The following DCAF8 variants were observed in gnomAD, a reference collection of about 807,000 sequenced individuals.
DCAF8 encodes DDB1 and CUL4 associated factor 8.
A neutral mutation model predicts 68.0 loss-of-function variants in DCAF8; 20 were observed. The observed-to-expected ratio is 0.29, with a 90% CI of 0.21 to 0.43. The LOEUF (loss-of-function observed/expected upper bound fraction) is 0.43, where lower values mean the gene tolerates loss of function less well. Ranked by LOEUF, DCAF8 falls within the 20% of genes least tolerant of loss-of-function variation. The pLI is 1.00. For missense variants in DCAF8, 460 were observed against 771.0 expected (o/e 0.60, Z 4.78); for synonymous variants, 230 against 276.9 (o/e 0.83, Z 1.68).
intron 2 of DCAF8, among the ~76,000 whole-genome samples, chr1:160,256,832 T>C (rs1010073834): frequency 1.3e-5 from 2 of 152,214 alleles, no homozygotes; most frequent in African/African-American, 2.4e-5. Context: ...TCATAACACA[T>C]TCCTGGGGTT....
intron 7 of DCAF8, among the ~76,000 whole-genome samples, chr1:160,230,827 T>C (rs930239820): frequency 2.1e-4 from 32 of 152,222 alleles, no homozygotes; most frequent in African/African-American, 5.3e-4. Flanking sequence ...TCTTGGCTCA[T>C]TGCAACCTCT....
At chr1:160,250,160 G>A (rs191485674) in intron 2 of DCAF8, among the ~76,000 whole-genome samples, 46 of 152,214 alleles carry the variant, frequency 3.0e-4, no homozygotes, top group African/African-American at 9.9e-4. Context: ...CTTAATAAAC[G>A]TGGCCTAAAA....
In DCAF8 at chr1:160,260,275, A is replaced by G. The variant is rs532030416; in HGVS notation, c.-27+1010T>C. On this transcript the variant is annotated intron_variant, in intron 2 of 13. Transcript: ENST00000368074. ...GTAACTTGCTCAAGGTCACATGGCT[A>G]AGAAATATTAGTCTAGTATTTAAAC... 8.5e-5 allele frequency among the ~76,000 whole-genome samples: 13 copies of G among 152,334 alleles called. 1 individual carries two copies. The South Asian group carries it at 2.5e-3, about 29-fold the overall frequency.
intron 2 of DCAF8, among the ~76,000 whole-genome samples, chr1:160,247,354 T>G (rs1656383792): frequency 6.6e-6 from 1 of 152,246 alleles, no homozygotes; most frequent in South Asian, 2.1e-4. Context: ...ATTTTTCTTG[T>G]CTTAATAAGA....
intron 2 of DCAF8, among the ~76,000 whole-genome samples, chr1:160,255,180 C>T (rs1656779870): frequency 6.6e-6 from 1 of 152,188 alleles, no homozygotes; most frequent in African/African-American, 2.4e-5. Flanking sequence ...TCAGAGAGCT[C>T]CGTTAATATC....
chr1:160,226,207 A>G (rs534056791), intron 7 of DCAF8, among the ~76,000 whole-genome samples: 1 of 152,170 alleles, frequency 6.6e-6, no homozygotes, highest in Non-Finnish European at 1.5e-5. Flanking sequence ...AGCTTTTTAC[A>G]TGTACATTAC....
chr1:160,218,531 C>T, intron 12 of DCAF8, 91 bp from the exon 13 acceptor site: 2 of 1,021,418 alleles, frequency 2.0e-6, no homozygotes, highest in African/African-American at 1.6e-5. Flanking sequence ...CCAATAAAAG[C>T]TTCCCTTAAG....
At chr1:160,247,796 A>G (rs1474118910) in intron 2 of DCAF8, among the ~76,000 whole-genome samples, 1 of 152,196 alleles carries the variant, frequency 6.6e-6, no homozygotes, top group African/African-American at 2.4e-5. Context: ...TCAACTGCCA[A>G]AAGAAAAAAA....
intron 7 of DCAF8, 86 bp from the exon 8 acceptor site, chr1:160,225,749 C>CCACTA: frequency 2.9e-6 from 3 of 1,047,884 alleles, no homozygotes; most frequent in Non-Finnish European, 4.3e-6. Flanking sequence ...CAGGAAACTG[C>CCACTA]CAGCTGGATG....
intron 5 of DCAF8, among the ~76,000 whole-genome samples, chr1:160,237,620 G>A (rs1050800156): frequency 6.6e-6 from 1 of 152,098 alleles, no homozygotes; most frequent in African/African-American, 2.4e-5. Flanking sequence ...TCAACCTTGT[G>A]GGCTTAAGTG....
chr1:160,230,126 T>G (rs1174956454), intron 7 of DCAF8, among the ~76,000 whole-genome samples: 1 of 152,182 alleles, frequency 6.6e-6, no homozygotes, highest in Non-Finnish European at 1.5e-5. Context: ...CAAGGTTTTG[T>G]CCAGGATTCT....
intron 2 of DCAF8, among the ~76,000 whole-genome samples, chr1:160,249,926 AC>A (rs1656508180): frequency 1.3e-5 from 2 of 152,214 alleles, no homozygotes; most frequent in Non-Finnish European, 2.9e-5. Context: ...CACTTATAGT[AC>A]TTTCTGGAAA....
In DCAF8 at chr1:160,218,417, C is replaced by T. The variant is rs1655193924; in HGVS notation, c.1584G>A (p.Glu528=). The T allele has an allele frequency of 6.2e-7, 1 of 1,614,172 alleles. No individual in the cohort carries two copies. ...LKDVIKKNKR[E]RDEDSLHQTD... is the part of the protein sequence containing the mutation. ...TTTGGTGCAAGCTATCTTCATCCCG[C>T]TCCCGCTTGTTCTTCTTAATCACCT... The change falls in exon 13 of 14, where the codon GAG becomes GAA. Residue 528 remains glutamate, a synonymous_variant. Coordinates refer to ENST00000368074, the MANE Select transcript of DCAF8 (RefSeq NM_015726.4).
At position 160,260,355 on chromosome 1, in the gene DCAF8, A is replaced by G. The variant is rs545846865; in HGVS notation, c.-27+930T>C. Among the ~76,000 whole-genome samples the G allele has an allele frequency of 3.9e-5, 6 of 152,344 alleles. No individual in the cohort carries two copies. The South Asian group carries it at 1.2e-3, about 32-fold the overall frequency. ...CTCTAAAGACTGTACTTTTCTCTTTATATCTTACTGATACACATATACACC... is the reference window on the plus strand; with the variant it reads ...CTCTAAAGACTGTACTTTTCTCTTTGTATCTTACTGATACACATATACACC... On this transcript the variant is annotated intron_variant, in intron 2 of 13. Coordinates refer to ENST00000368074, the MANE Select transcript of DCAF8 (RefSeq NM_015726.4).
intron 2 of DCAF8, among the ~76,000 whole-genome samples, chr1:160,244,530 C>T (rs1240209495): frequency 6.6e-6 from 1 of 152,148 alleles, no homozygotes; most frequent in African/African-American, 2.4e-5. Flanking sequence ...TCATTTTACA[C>T]ACAAATCAAC....
chr1:160,226,137 C>T (rs1655464262), intron 7 of DCAF8, among the ~76,000 whole-genome samples: 2 of 152,138 alleles, frequency 1.3e-5, no homozygotes, highest in Non-Finnish European at 2.9e-5. Context: ...GTTTATCTCT[C>T]TCCTCAAGTT....
intron 2 of DCAF8, among the ~76,000 whole-genome samples, chr1:160,253,861 G>A (rs1656712452): frequency 6.6e-6 from 1 of 151,658 alleles, no homozygotes; most frequent in Non-Finnish European, 1.5e-5. Flanking sequence ...AGGTAAGGAG[G>A]ATAGTCCATG....
At position 160,217,513 on chromosome 1, in the gene DCAF8, G is replaced by T; in HGVS notation, c.*79C>A. 1 of 1,048,364 alleles carries T rather than the reference G, an allele frequency of 9.5e-7. No homozygotes were observed. The highest frequency in any genetic ancestry group is 1.4e-6 in the Non-Finnish European group (1 of 704,838). 64.9% of individuals were successfully genotyped at this position (1,048,364 alleles called of 1,614,324 possible). A position where few individuals can be genotyped will look rare whatever the true frequency, so the allele number is the denominator to read the frequency against. On this transcript the variant is annotated 3_prime_UTR_variant, in exon 14 of 14. Coordinates refer to ENST00000368074, the MANE Select transcript of DCAF8 (RefSeq NM_015726.4). ...AGTCCAAAGTGCGTTTCTGCTGAATGTAGGGCCTGGGACAGGAAAGGGTTG... is the reference window on the plus strand; with the variant it reads ...AGTCCAAAGTGCGTTTCTGCTGAATTTAGGGCCTGGGACAGGAAAGGGTTG...
chr1:160,240,460 A>C (rs1336143639), intron 3 of DCAF8, 90 bp from the exon 4 acceptor site: 1 of 1,299,364 alleles, frequency 7.7e-7, no homozygotes, highest in East Asian at 2.3e-5. Flanking sequence ...TCACATCAAA[A>C]GACCAAAAAA....
Sources: allele counts gnomAD v4.1 joint callset (sites outside exome capture counted in the v4.1 genomes callset), GRCh38; gene constraint gnomAD v4.1.1; transcripts MANE v1.5; gene names NCBI Gene and HGNC (gene_info 2026-07-23, HGNC 2026-07-21).